The following UBE3C variants were observed in gnomAD, a reference collection of about 807,000 sequenced individuals.
The protein encoded by UBE3C is ubiquitin-protein ligase E3C.
UBE3C carries 42 observed loss-of-function variants against 129.4 expected under a neutral mutation model. That is an observed-to-expected ratio of 0.32 (90% CI 0.25 to 0.42). The LOEUF (loss-of-function observed/expected upper bound fraction) is 0.42. UBE3C is among the 10% of genes least tolerant of loss of function. The probability of loss-of-function intolerance (pLI) is 1.00; values close to 1 mark genes in which losing one functional copy is unlikely to be tolerated. For missense variants in UBE3C, 1,049 were observed against 1,319.1 expected (o/e 0.80, Z 3.17); for synonymous variants, 510 against 492.4 (o/e 1.04, Z -0.47).
chr7:157,199,071 A>G (rs959821034), intron 10 of UBE3C, among the ~76,000 whole-genome samples: 1 of 152,196 alleles, frequency 6.6e-6, no homozygotes, highest in Admixed American at 6.5e-5. Flanking sequence ...GTCTACACAC[A>G]AGGGTCTGGA....
chr7:157,167,827 T>A (rs1008011406), intron 2 of UBE3C, among the ~76,000 whole-genome samples: 1 of 151,872 alleles, frequency 6.6e-6, no homozygotes, highest in African/African-American at 2.4e-5. Context: ...TGAGCCACCA[T>A]GCCTGGCCTA....
rs566567593 is a variant in UBE3C at position 157,150,428 on chromosome 7, C to T, written c.66+11090C>T. Among the ~76,000 whole-genome samples, 16 of 150,860 alleles carry T rather than the reference C, an allele frequency of 1.1e-4. No individual in the cohort carries two copies. The East Asian group carries it at 1.2e-3, about 11-fold the overall frequency. On this transcript the variant is annotated intron_variant, in intron 1 of 22. Transcript: ENST00000348165. The stretch of plus-strand genomic sequence containing the variant: ...ATATGTCCCCTCTAATCCAGCAGAA[C>T]AAATTTCTACATTTAGAAACGTAAA...
chr7:157,158,050 C>CTTTTT (rs60257662), intron 1 of UBE3C, among the ~76,000 whole-genome samples: 1 of 101,124 alleles, frequency 9.9e-6, no homozygotes, highest in Non-Finnish European at 1.8e-5. Context: ...CTCTTTTTTC[C>CTTTTT]TTTTTTTTTT....
chr7:157,225,775 C>T (rs1282431934), intron 17 of UBE3C, among the ~76,000 whole-genome samples: 1 of 152,052 alleles, frequency 6.6e-6, no homozygotes, highest in Non-Finnish European at 1.5e-5. Flanking sequence ...ATACTGAGAC[C>T]CTGCCTCAAC....
intron 4 of UBE3C, among the ~76,000 whole-genome samples, chr7:157,174,540 C>A (rs1808463327): frequency 6.6e-6 from 1 of 152,150 alleles, no homozygotes; most frequent in Non-Finnish European, 1.5e-5. Flanking sequence ...TCCACCCACA[C>A]CCCGCAAGTT....
At chr7:157,157,442 CAT>C (rs908387047) in intron 1 of UBE3C, among the ~76,000 whole-genome samples, 1 of 152,118 alleles carries the variant, frequency 6.6e-6, no homozygotes, top group African/African-American at 2.4e-5. Flanking sequence ...ACTGTGGAAA[CAT>C]AAAAAGTTAG....
chr7:157,203,949 G>T (rs1461760413), intron 11 of UBE3C, among the ~76,000 whole-genome samples: 1 of 152,134 alleles, frequency 6.6e-6, no homozygotes, highest in Non-Finnish European at 1.5e-5. Context: ...CAAAATATGT[G>T]CATTAGCCTA....
intron 19 of UBE3C, among the ~76,000 whole-genome samples, chr7:157,251,526 T>G (rs1257093087): frequency 6.6e-6 from 1 of 152,170 alleles, no homozygotes; most frequent in Admixed American, 6.5e-5. Context: ...CAAGACCCCT[T>G]CCTCATCTCA....
chr7:157,198,359 A>T (rs146186008), intron 10 of UBE3C: 8 of 767,276 alleles, frequency 1.0e-5, no homozygotes, highest in African/African-American at 3.4e-5. Flanking sequence ...TTCCAAGGCC[A>T]GTTTATTTCT....
intron 8 of UBE3C, 131 bp downstream of exon 8, chr7:157,182,459 G>T: frequency 1.1e-6 from 1 of 886,692 alleles, no homozygotes. Context: ...ATTTGCTGGA[G>T]GGATGTGGTC....
chr7:157,175,136 A>AATTTTTTTTTTTT, intron 5 of UBE3C, 102 bp downstream of exon 5: 2 of 372,728 alleles, frequency 5.4e-6, no homozygotes, highest in African/African-American at 6.1e-5. Flanking sequence ...GCTTTTCCAT[A>AATTTTTTTTTTTT]CTTTTTTTTT....
intron 6 of UBE3C, 55 bp downstream of exon 6, chr7:157,178,902 A>G (rs2116913663): frequency 6.3e-7 from 1 of 1,590,320 alleles, no homozygotes; most frequent in Admixed American, 1.7e-5. Context: ...GGGAGTGAGC[A>G]GAGGCCAGCC....
chr7:157,218,338 G>T (rs1296155318), intron 14 of UBE3C, among the ~76,000 whole-genome samples: 4 of 151,756 alleles, frequency 2.6e-5, no homozygotes, highest in African/African-American at 9.7e-5. Context: ...CCAGCTACTT[G>T]GGACTGAGGC....
chr7:157,148,647 A>G (rs1807672057), intron 1 of UBE3C, among the ~76,000 whole-genome samples: 1 of 152,136 alleles, frequency 6.6e-6, no homozygotes, highest in Admixed American at 6.6e-5. Flanking sequence ...AATGCTCCAT[A>G]TACATTGTAG....
At chr7:157,240,008 C>A (rs996884445) in intron 18 of UBE3C, among the ~76,000 whole-genome samples, 1 of 152,208 alleles carries the variant, frequency 6.6e-6, no homozygotes, top group Admixed American at 6.5e-5. Flanking sequence ...AATGCAAATT[C>A]TTGGGCTCCA....
Position 157,138,928 on chromosome 7 carries a change from A to C in UBE3C, c.-345A>C, listed in dbSNP as rs1807338917. On this transcript the variant is annotated 5_prime_UTR_variant, in exon 1 of 23. Transcript: ENST00000348165. ...GCCGCGCACGTCTGCAGGGCCGCGC[A>C]CGCACTGACGGCTGACCGCCATCTT... The C allele has an allele frequency of 1.3e-5, 2 of 151,808 alleles. No homozygotes were observed. The highest frequency in any genetic ancestry group is 4.8e-5 in the African/African-American group (2 of 41,446). The allele number at this position is 151,808 out of a possible 1,614,324, so 9.4% of individuals were successfully genotyped here.
At chr7:157,217,213 A>G (rs1795605305) in intron 14 of UBE3C, 2 of 344,946 alleles carry the variant, frequency 5.8e-6, no homozygotes, top group Non-Finnish European at 1.1e-5. Flanking sequence ...ACCTGAGATT[A>G]TATTAAAGCC....
intron 10 of UBE3C, among the ~76,000 whole-genome samples, chr7:157,193,464 C>G (rs918767641): frequency 2.6e-5 from 4 of 152,178 alleles, no homozygotes; most frequent in African/African-American, 9.7e-5. Flanking sequence ...ATTGTGTTCT[C>G]TTTCATAACT....
At chr7:157,201,849 G>A in intron 11 of UBE3C, 42 bp downstream of exon 11, 2 of 1,516,730 alleles carry the variant, frequency 1.3e-6, no homozygotes, top group Non-Finnish European at 1.8e-6. Context: ...CAAGGGCACA[G>A]GAAGTGGCAG....
Sources: gnomAD v4.1 joint callset for allele counts (sites outside exome capture counted in the v4.1 genomes callset) on GRCh38, gnomAD v4.1.1 for gene constraint, MANE v1.5 for transcripts, NCBI Gene and HGNC (gene_info 2026-07-23, HGNC 2026-07-21) for gene names.